Variants in MKI67 observed in about 807,000 individuals in gnomAD.
The protein encoded by MKI67 is marker of proliferation Ki-67.
A neutral mutation model predicts 233.5 loss-of-function variants in MKI67; 152 were observed. The observed-to-expected ratio is 0.65, with a 90% CI of 0.57 to 0.74. The LOEUF (loss-of-function observed/expected upper bound fraction) is 0.74, where lower values mean the gene tolerates loss of function less well. MKI67 is among the 30% of genes least tolerant of loss of function. MKI67 has a pLI of 0.00. For missense variants in MKI67, 3,940 were observed against 3,885.2 expected (o/e 1.01, Z -0.37); for synonymous variants, 1,465 against 1,418.5 (o/e 1.03, Z -0.74).
chr10:128,106,580 G>A lies in MKI67; in HGVS notation c.5260C>T (p.Gln1754Ter), dbSNP rs143667298. The change falls in exon 13 of 15, where the codon CAG (glutamine) becomes TAG (stop). Residue 1754 changes from glutamine to a stop codon, truncating the protein, a stop_gained. Coordinates refer to ENST00000368654, the MANE Select transcript of MKI67 (RefSeq NM_002417.5). LOFTEE classifies it high-confidence loss of function. ...LVDTPTSSKP[Q>*]PKRSLRKADT... is the part of the protein sequence containing the mutation. ...GCTTTCCTGAGACTTCTCTTGGGCTGTGGCTTGGAGCTTGTTGGGGTGTCC... is the reference window on the plus strand; with the variant it reads ...GCTTTCCTGAGACTTCTCTTGGGCTATGGCTTGGAGCTTGTTGGGGTGTCC... The A allele has an allele frequency of 2.2e-5, 36 of 1,614,098 alleles. No homozygotes were observed. The highest frequency in any genetic ancestry group is 3.0e-5 in the Non-Finnish European group (35 of 1,180,030).
In MKI67 at chr10:128,103,873, G is replaced by A. The variant is rs1220232322; in HGVS notation, c.7967C>T (p.Pro2656Leu). The change falls in exon 13 of 15, where the codon CCA becomes CTA. Residue 2656 changes from proline to leucine, a missense_variant. Coordinates refer to ENST00000368654, the MANE Select transcript of MKI67 (RefSeq NM_002417.5). ...LKQRAKKKPN[P>L]VEEEPSRRRP... ...TCTCCTGCTGGGTTCCTCTTCTACT[G>A]GGTTTGGTTTCTTCTTTGCACGTTG... is the stretch of plus-strand genomic sequence containing the variant. 19 of 1,614,042 alleles carry A rather than the reference G, an allele frequency of 1.2e-5. No individual in the cohort carries two copies. The highest frequency in any genetic ancestry group is 1.5e-5 in the Non-Finnish European group (18 of 1,180,016).
At position 128,108,869 on chromosome 10, in the gene MKI67, G is replaced by T; in HGVS notation, c.2971C>A (p.His991Asn). Residue 991 changes from histidine (H) to asparagine (N), a missense_variant, in exon 13 of 15, where the codon CAT (histidine) becomes AAT (asparagine). His to Asn is a moderately conservative substitution (Grantham distance 68). Coordinates refer to ENST00000368654, the MANE Select transcript of MKI67 (RefSeq NM_002417.5). ...RGQNLLQTQDHAKAPKSEKGK... is the reference protein window; with the variant it reads ...RGQNLLQTQDNAKAPKSEKGK... ...TTCTCACTCTTTGGTGCCTTGGCAT[G>T]ATCTTGGGTTTGGAGGAGATTCTGG... The T allele has an allele frequency of 6.2e-7, 1 of 1,614,194 alleles. No individual in the cohort carries two copies. Among genetic ancestry groups the T allele is most frequent in the Non-Finnish European group, 8.5e-7 (1 of 1,180,040 alleles).
intron 8 of MKI67, 142 bp downstream of exon 8, chr10:128,113,285 A>G (rs1852722082): frequency 1.9e-6 from 2 of 1,025,844 alleles, no homozygotes; most frequent in Non-Finnish European, 2.8e-6. Context: ...ATGAGCTTTC[A>G]TTCGTCTTTT....
In MKI67 at chr10:128,105,614, G is replaced by A. The variant is rs762704208; in HGVS notation, c.6226C>T (p.Leu2076=). ...TGGAAGAGCTCTTTGAAGCCGGCCA[G>A]GTCTTCTAGTGATTGGGCCTCTTCC... ...PKEEAQSLED[L]AGFKELFQTP... is the part of the protein sequence containing the mutation. The change falls in exon 13 of 15, where the codon CTG becomes TTG. Residue 2076 remains leucine, a synonymous_variant. Coordinates refer to ENST00000368654, the MANE Select transcript of MKI67 (RefSeq NM_002417.5). The A allele has an allele frequency of 5.6e-6, 9 of 1,613,892 alleles. No individual in the cohort carries two copies. The highest frequency in any genetic ancestry group is 7.6e-6 in the Non-Finnish European group (9 of 1,179,972).
Position 128,110,533 on chromosome 10 carries a change from C to G in MKI67, c.2261G>C (p.Gly754Ala). 1 of 1,537,254 alleles carries G rather than the reference C, an allele frequency of 6.5e-7. No homozygotes were observed. The highest frequency in any genetic ancestry group is 8.9e-7 in the Non-Finnish European group (1 of 1,126,702). ...TGGGGTCTTGAACATTTCAGCTATT[C>G]CTGTTAAATGAAAATATTTGAAAAG... ...QKMDFKEDLS[G>A]IAEMFKTPVK... The change falls in exon 12 of 15, where the codon GGA becomes GCA. Residue 754 changes from glycine to alanine, a missense_variant and splice_region_variant. By Grantham distance (60) the Gly-to-Ala change is moderately conservative (BLOSUM62 0). Coordinates refer to ENST00000368654, the MANE Select transcript of MKI67 (RefSeq NM_002417.5).
Position 128,122,907 on chromosome 10 carries a change from T to C in MKI67, c.261A>G (p.Val87=). The C allele has an allele frequency of 6.3e-7, 1 of 1,589,130 alleles. No individual in the cohort carries two copies. The highest frequency in any genetic ancestry group is 8.6e-7 in the Non-Finnish European group (1 of 1,162,198). The part of the protein sequence containing the change: ...DEPVRLKHGD[V]ITIIDRSFRY... The stretch of plus-strand genomic sequence containing the variant: ...TGAAGGAACGATCAATAATAGTTAT[T>C]ACATCTCCATGTTTTAGCCGTACAG... Residue 87 remains valine (V), a synonymous_variant, in exon 4 of 15, where the codon GTA becomes GTG. Coordinates refer to ENST00000368654, the MANE Select transcript of MKI67 (RefSeq NM_002417.5).
chr10:128,105,799 G>T lies in MKI67; in HGVS notation c.6041C>A (p.Pro2014Gln), dbSNP rs769696521. 2.5e-6 allele frequency: 4 copies of T among 1,614,152 alleles called. No homozygotes were observed. In the Admixed American group the frequency reaches 6.7e-5, roughly 27 times the overall value. Reference protein sequence around the residue: ...GKVGVKEEVLPVGKLTQTSGK... With the variant: ...GKVGVKEEVLQVGKLTQTSGK... The stretch of plus-strand genomic sequence containing the variant: ...TGACGTCTGTGTGAGCTTGCCGACT[G>T]GTAGGACCTCTTCTTTCACACCTAC... Residue 2014 changes from proline to glutamine, a missense_variant, in exon 13 of 15, where the codon CCA (proline) becomes CAA (glutamine). Physicochemically the swap from Pro to Gln is moderately conservative, Grantham distance 76. Transcript: ENST00000368654.
Position 128,104,995 on chromosome 10 carries a change from A to G in MKI67, c.6845T>C (p.Phe2282Ser), listed in dbSNP as rs1199541024. Reference sequence around the variant, plus strand: ...CAATTTCTGCACTGGAGTTCCCATAAATGCTTTCATGTCTTTCTCATCACC... The same window carrying G: ...CAATTTCTGCACTGGAGTTCCCATAGATGCTTTCATGTCTTTCTCATCACC... ...AGGDEKDMKA[F>S]MGTPVQKLDL... is the part of the protein sequence containing the mutation. Residue 2282 changes from phenylalanine (F) to serine (S), a missense_variant, in exon 13 of 15, where the codon TTT becomes TCT. By Grantham distance (155) the Phe-to-Ser change is radical. Transcript: ENST00000368654. The G allele has an allele frequency of 3.1e-6, 5 of 1,611,494 alleles. No individual in the cohort carries two copies. In the African/African-American group the frequency reaches 6.8e-5, roughly 22 times the overall value.
In MKI67 at chr10:128,115,595, T is replaced by G. The variant is rs759055203; in HGVS notation, c.813A>C (p.Ala271=). Residue 271 remains alanine (A), a synonymous_variant, in exon 7 of 15, where the codon GCA becomes GCC. Coordinates refer to ENST00000368654, the MANE Select transcript of MKI67 (RefSeq NM_002417.5). ...AACCATCAGCACTTTCTTTCTCTGT[T>G]GCGTAATCAGTTTGTAATCCAGATT... ...CRKSGLQTDY[A]TEKESADGLQ... The G allele has an allele frequency of 4.5e-5, 72 of 1,614,124 alleles. No homozygotes were observed. The highest frequency in any genetic ancestry group is 6.1e-5 in the Non-Finnish European group (72 of 1,180,050).
In MKI67 at chr10:128,112,245, T is replaced by A; in HGVS notation, c.1857A>T (p.Arg619Ser). 6.2e-7 allele frequency: 1 copy of A among 1,614,230 alleles called. No individual in the cohort carries two copies. The highest frequency in any genetic ancestry group is 8.5e-7 in the Non-Finnish European group (1 of 1,180,032). ...SQTEVPKRGG[R>S]KSGNLPSKRV... ...TCTTTGAAGGCAGGTTGCCACTCTT[T>A]CTCCCTCCTCTCTTAGGAACCTCTG... The change falls in exon 9 of 15, where the codon AGA becomes AGT. Residue 619 changes from arginine (R) to serine (S), a missense_variant. Transcript: ENST00000368654.
Position 128,125,541 on chromosome 10 carries a change from C to T in MKI67, c.92+35G>A, listed in dbSNP as rs1853036484. 4 of 1,557,292 alleles carry T rather than the reference C, an allele frequency of 2.6e-6. No homozygotes were observed. The highest frequency in any genetic ancestry group is 1.7e-5 in the Admixed American group (1 of 59,698). On this transcript the variant is annotated intron_variant, in intron 2 of 14. Coordinates refer to ENST00000368654, the MANE Select transcript of MKI67 (RefSeq NM_002417.5). The surrounding 1 kb of genome is among the most constrained non-coding windows in gnomAD (Gnocchi z 5.3). ...GTGACTAAGGTATTTTCCTCTTTCT[C>T]AGCTAAAACGTCCGCGCGCGCCCGC... is the stretch of plus-strand genomic sequence containing the variant.
intron 2 of MKI67, among the ~76,000 whole-genome samples, chr10:128,124,676 A>C (rs1565017322): frequency 6.6e-6 from 1 of 152,164 alleles, no homozygotes; most frequent in African/African-American, 2.4e-5. Flanking sequence ...GCCTAGTGGG[A>C]GACAAACCCA....
In MKI67 at chr10:128,103,736, T is replaced by A. The variant is rs2136127745; in HGVS notation, c.8104A>T (p.Thr2702Ser). ...TQESLTAGKA[T>S]KIPCESPPLE... ...GGGGGAGATTCGCAGGGTATTTTAG[T>A]GGCTTTGCCAGCAGTCAGTGATTCC... The change falls in exon 13 of 15, where the codon ACT becomes TCT. Residue 2702 changes from threonine (T) to serine (S), a missense_variant. By Grantham distance (58) the Thr-to-Ser change is moderately conservative. Coordinates refer to ENST00000368654, the MANE Select transcript of MKI67 (RefSeq NM_002417.5). The A allele has an allele frequency of 6.2e-7, 1 of 1,614,132 alleles. No individual in the cohort carries two copies.
chr10:128,112,194 A>G lies in MKI67; in HGVS notation c.1908T>C (p.His636=). The change falls in exon 9 of 15, where the codon CAT becomes CAC. Residue 636 remains histidine, a synonymous_variant. Coordinates refer to ENST00000368654, the MANE Select transcript of MKI67 (RefSeq NM_002417.5). ...SKRVSISRSQ[H]DILQMICSKR... is the part of the protein sequence containing the mutation. ...TGGAACATATCATCTGTAAAATATC[A>G]TGTTGACTTCGGCTGATAGACACTC... 6.2e-7 allele frequency: 1 copy of G among 1,614,146 alleles called. No homozygotes were observed. Among genetic ancestry groups the G allele is most frequent in the Non-Finnish European group, 8.5e-7 (1 of 1,180,010 alleles).
rs1852540831 is a variant in MKI67 at position 128,107,630 on chromosome 10, G to A, written c.4210C>T (p.Leu1404Phe). The change falls in exon 13 of 15, where the codon CTC becomes TTC. Residue 1404 changes from leucine to phenylalanine, a missense_variant. Coordinates refer to ENST00000368654, the MANE Select transcript of MKI67 (RefSeq NM_002417.5). Reference sequence around the variant, plus strand: ...TGTGTGAGCTTCTTCAGGGCTGAGAGCTCCTTCTGTACGTCCCTTTTCTCC... The same window carrying A: ...TGTGTGAGCTTCTTCAGGGCTGAGAACTCCTTCTGTACGTCCCTTTTCTCC... The part of the protein sequence containing the change: ...PLEKRDVQKE[L>F]SALKKLTQTS... 3 of 1,614,060 alleles carry A rather than the reference G, an allele frequency of 1.9e-6. No individual in the cohort carries two copies. The highest frequency in any genetic ancestry group is 2.5e-6 in the Non-Finnish European group (3 of 1,180,036).
chr10:128,113,482 G>T lies in MKI67; in HGVS notation c.1601C>A (p.Thr534Asn). ...NTPLKRGEAPTKRKSLVMHTP... is the reference protein window; with the variant it reads ...NTPLKRGEAPNKRKSLVMHTP... ...GTGCATTACCAGAGACTTTCTTTTG[G>T]TTGGGGCTTCTCCCCTTTTGAGAGG... The change falls in exon 8 of 15, where the codon ACC becomes AAC. Residue 534 changes from threonine to asparagine, a missense_variant. Physicochemically the swap from Thr to Asn is moderately conservative, Grantham distance 65. Transcript: ENST00000368654. 6.2e-7 allele frequency: 1 copy of T among 1,614,108 alleles called. No individual in the cohort carries two copies. Among genetic ancestry groups the T allele is most frequent in the South Asian group, 1.1e-5 (1 of 91,076 alleles).
rs1311752032 is a variant in MKI67 at position 128,106,089 on chromosome 10, G to A, written c.5751C>T (p.Ile1917=). 1.2e-6 allele frequency: 2 copies of A among 1,613,862 alleles called. No homozygotes were observed. Among genetic ancestry groups the A allele is most frequent in the Non-Finnish European group, 1.7e-6 (2 of 1,180,028 alleles). The change falls in exon 13 of 15, where the codon ATC becomes ATT. Residue 1917 remains isoleucine (I), a synonymous_variant. Coordinates refer to ENST00000368654, the MANE Select transcript of MKI67 (RefSeq NM_002417.5). ...CCACTGGAGTCCCCACAAATGTGTT[G>A]ATGTCTTTCTCTTCACCTACTGCTG... ...PKAAVGEEKD[I]NTFVGTPVEK...
rs1166260203 is a variant in MKI67, at chr10:128,115,119, A to G, written c.1289T>C (p.Val430Ala). The stretch of plus-strand genomic sequence containing the variant: ...TTCAGTTTCCGTAGGCAGAACTTCC[A>G]CATCTGTAGGAATACTTCCTCTGGT... ...SKTRGSIPTD[V>A]EVLPTETEIH... Residue 430 changes from valine (V) to alanine (A), a missense_variant, in exon 7 of 15, where the codon GTG becomes GCG. Coordinates refer to ENST00000368654, the MANE Select transcript of MKI67 (RefSeq NM_002417.5). 9.3e-6 allele frequency: 15 copies of G among 1,614,180 alleles called. 1 individual carries two copies. The highest frequency in any genetic ancestry group is 1.7e-5 in the Admixed American group (1 of 60,024).
In MKI67 at chr10:128,105,999, C is replaced by T. The variant is rs1438438306; in HGVS notation, c.5841G>A (p.Lys1947=). 3 of 1,614,070 alleles carry T rather than the reference C, an allele frequency of 1.9e-6. No individual in the cohort carries two copies. Among genetic ancestry groups the T allele is most frequent in the Non-Finnish European group, 2.5e-6 (3 of 1,180,040 alleles). ...CAGCCAGATCTTCTAGAGCCTTGGCCTTTTCTTTAGGAGTTTGTGGCCGTC... is the reference window on the plus strand; with the variant it reads ...CAGCCAGATCTTCTAGAGCCTTGGCTTTTTCTTTAGGAGTTTGTGGCCGTC... ...SKRRPQTPKE[K]AKALEDLAGF... Residue 1947 remains lysine, a synonymous_variant, in exon 13 of 15, where the codon AAG becomes AAA. Transcript: ENST00000368654.
Sources: gnomAD v4.1 joint callset for allele counts (sites outside exome capture counted in the v4.1 genomes callset) on GRCh38, gnomAD v4.1.1 for gene constraint, Gnocchi (gnomAD v3.1) non-coding constraint, MANE v1.5 for transcripts, NCBI Gene and HGNC (gene_info 2026-07-23, HGNC 2026-07-21) for gene names.